Variants in UMODL1 observed in about 807,000 individuals in gnomAD.
UMODL1 encodes the protein uromodulin-like 1.
UMODL1 carries 128 observed loss-of-function variants against 136.3 expected under a neutral mutation model. The ratio of observed to expected loss-of-function variants is 0.94; its 90% CI spans 0.81 to 1.09. The LOEUF (loss-of-function observed/expected upper bound fraction) is 1.09, where lower values mean the gene tolerates loss of function less well. UMODL1 is among the 50% of genes least tolerant of loss of function. UMODL1 has a pLI of 0.00. For synonymous variants in UMODL1, 721 were observed against 720.0 expected (o/e 1.00, Z -0.02); for missense variants, 1,766 against 1,725.6 (o/e 1.02, Z -0.41).
intron 13 of UMODL1, 106 bp from the exon 14 acceptor site, chr21:42,115,767 G>GT: frequency 1.1e-6 from 1 of 886,240 alleles, no homozygotes. Context: ...GTTGGCTTTG[G>GT]TGTGATGCTC....
chr21:42,103,182 T>G (rs901049477), intron 8 of UMODL1: 4 of 189,688 alleles, frequency 2.1e-5, no homozygotes, highest in Admixed American at 1.6e-4. Flanking sequence ...TGGAAAGATA[T>G]TCTGGAACAA....
Position 42,095,101 on chromosome 21 carries a change from T to TTTTTTTTTTG in UMODL1, c.932-3816_932-3815insGTTTTTTTTT, listed in dbSNP as rs2066541171. On this transcript the variant is annotated intron_variant, in intron 6 of 22. Coordinates refer to ENST00000408910, the MANE Select transcript of UMODL1 (RefSeq NM_001004416.3). ...GTTTTCTTCTGCTGTTTTTTTTTTT[T>TTTTTTTTTTG]TTTTTTTTTTTGAGACAGGGTCTTG... Among the ~76,000 whole-genome samples the TTTTTTTTTTG allele has an allele frequency of 1.6e-5, 2 of 127,768 alleles. 1 individual carries two copies. The highest frequency in any genetic ancestry group is 3.4e-5 in the Non-Finnish European group (2 of 59,604). The allele number at this position is 127,768 out of a possible 152,430, so 83.8% of individuals were successfully genotyped here.
chr21:42,101,645 C>G, intron 7 of UMODL1: 2 of 443,536 alleles, frequency 4.5e-6, no homozygotes, highest in South Asian at 3.2e-5. Flanking sequence ...TCCATCTTTG[C>G]TTATGCCCCA....
intron 20 of UMODL1, chr21:42,128,178 A>G: frequency 2.7e-6 from 1 of 368,256 alleles, no homozygotes; most frequent in South Asian, 2.2e-5. Context: ...TTTTTTAAAT[A>G]TTATTTTTAA....
chr21:42,139,777 A>T (rs1400835667), intron 22 of UMODL1, among the ~76,000 whole-genome samples: 2 of 152,144 alleles, frequency 1.3e-5, no homozygotes, highest in Non-Finnish European at 2.9e-5. Context: ...TAGGGAGGTG[A>T]CTGGTCTCTA....
At chr21:42,089,119 C>T (rs2066461354) in intron 5 of UMODL1, among the ~76,000 whole-genome samples, 3 of 152,164 alleles carry the variant, frequency 2.0e-5, no homozygotes, top group Admixed American at 6.5e-5. Flanking sequence ...TCTGTCTCAA[C>T]GACTCAGCCC....
chr21:42,111,182 A>G lies in UMODL1; in HGVS notation c.1899+61A>G, dbSNP rs985850136. On this transcript the variant is annotated intron_variant, in intron 11 of 22. Coordinates refer to ENST00000408910, the MANE Select transcript of UMODL1 (RefSeq NM_001004416.3). ...GGGGAGCCCCAGCCAGGTGAACCCC[A>G]GCCAGGGGAGCCCCAGCCAGGGGAG... The G allele has an allele frequency of 1.5e-5, 23 of 1,561,914 alleles. No homozygotes were observed. The African/African-American group carries it at 2.6e-4, about 18-fold the overall frequency.
chr21:42,130,203 A>G (rs2067115276), intron 21 of UMODL1, among the ~76,000 whole-genome samples: 2 of 150,438 alleles, frequency 1.3e-5, no homozygotes, highest in African/African-American at 2.4e-5. Flanking sequence ...AACTCAAGCT[A>G]TAATCAGGCC....
Position 42,137,513 on chromosome 21 carries a change from G to A in UMODL1, c.3850G>A (p.Val1284Met), listed in dbSNP as rs1205155546. 6.2e-7 allele frequency: 1 copy of A among 1,614,238 alleles called. No homozygotes were observed. Among genetic ancestry groups the A allele is most frequent in the South Asian group, 1.1e-5 (1 of 91,092 alleles). Residue 1284 changes from valine (V) to methionine (M), a missense_variant, in exon 22 of 23, where the codon GTG becomes ATG. By Grantham distance (21) the Val-to-Met change is conservative. Coordinates refer to ENST00000408910, the MANE Select transcript of UMODL1 (RefSeq NM_001004416.3). Reference protein sequence around the residue: ...VLIVVAIFVLVAGTATLLIVR... With the variant: ...VLIVVAIFVLMAGTATLLIVR... Reference sequence around the variant, plus strand: ...TATTGTGGTGGCCATCTTCGTGCTGGTGGCGGGAACAGCCACCCTTCTGAT... The same window carrying A: ...TATTGTGGTGGCCATCTTCGTGCTGATGGCGGGAACAGCCACCCTTCTGAT...
intron 21 of UMODL1, among the ~76,000 whole-genome samples, chr21:42,134,798 T>TA (rs2067182792): frequency 1.3e-5 from 2 of 151,116 alleles, no homozygotes; most frequent in Admixed American, 6.6e-5. Flanking sequence ...TTTTTTTATA[T>TA]TTTTTTAGTA....
rs1251299481 is a variant in UMODL1, at chr21:42,111,762, T to G, written c.2104+52T>G. On this transcript the variant is annotated intron_variant, in intron 12 of 22. Transcript: ENST00000408910. ...ACTAGGACTAATAGGACCCATAGCC[T>G]GTGTGAGCCTCTGGGGCAAAGCTCC... is the stretch of plus-strand genomic sequence containing the variant. 4.0e-6 allele frequency: 6 copies of G among 1,498,722 alleles called. No individual in the cohort carries two copies. The Admixed American group carries it at 1.2e-4, about 30-fold the overall frequency. 92.8% of individuals were successfully genotyped at this position (1,498,722 alleles called of 1,614,324 possible).
chr21:42,139,305 G>T (rs2067248254), intron 22 of UMODL1, among the ~76,000 whole-genome samples: 1 of 152,200 alleles, frequency 6.6e-6, no homozygotes, highest in Non-Finnish European at 1.5e-5. Context: ...CATGGCAGAA[G>T]ACCAAGGGGA....
intron 2 of UMODL1, among the ~76,000 whole-genome samples, chr21:42,077,762 G>A (rs1050316238): frequency 2.6e-5 from 4 of 152,202 alleles, no homozygotes; most frequent in African/African-American, 9.7e-5. Flanking sequence ...CTAAGGGAGA[G>A]TCCATTCAGG....
At position 42,135,576 on chromosome 21, in the gene UMODL1, C is replaced by G. The variant is rs1017958875; in HGVS notation, c.3776-1863C>G. Among the ~76,000 whole-genome samples the G allele has an allele frequency of 3.3e-4, 50 of 152,236 alleles. 1 individual carries two copies. The highest frequency in any genetic ancestry group is 1.5e-5 in the Non-Finnish European group (1 of 68,040). On this transcript the variant is annotated intron_variant, in intron 21 of 22. Coordinates refer to ENST00000408910, the MANE Select transcript of UMODL1 (RefSeq NM_001004416.3). ...CTGCATCCTCAGGGCGGCACCCCCC[C>G]TTGTGCTGGCAAGGTGGCCCGTCAC... is the stretch of plus-strand genomic sequence containing the variant.
At chr21:42,115,752 C>A in intron 13 of UMODL1, 121 bp from the exon 14 acceptor site, 1 of 721,120 alleles carries the variant, frequency 1.4e-6, no homozygotes, top group Non-Finnish European at 2.3e-6. Context: ...CTTTCTAGAA[C>A]ACGGGTTGGC....
At chr21:42,100,727 G>A (rs1427038330) in intron 7 of UMODL1, among the ~76,000 whole-genome samples, 10 of 46,446 alleles carry the variant, frequency 2.2e-4, no homozygotes, top group African/African-American at 6.1e-4. Context: ...CAGCAACCCC[G>A]TGCCCTCCTC....
Position 42,111,077 on chromosome 21 carries a change from G to A in UMODL1, c.1855G>A (p.Val619Ile). ...ACCCAGAAGAGGGGGCAGCAATGTGGTCGGGTATGACAGGAACAACACAGG... is the reference window on the plus strand; with the variant it reads ...ACCCAGAAGAGGGGGCAGCAATGTGATCGGGTATGACAGGAACAACACAGG... ...PSPRRGGSNVVGYDRNNTGKG... is the reference protein window; with the variant it reads ...PSPRRGGSNVIGYDRNNTGKG... The change falls in exon 11 of 23, where the codon GTC becomes ATC. Residue 619 changes from valine to isoleucine, a missense_variant. Val to Ile is a conservative substitution (Grantham distance 29). Coordinates refer to ENST00000408910, the MANE Select transcript of UMODL1 (RefSeq NM_001004416.3). 1.2e-6 allele frequency: 2 copies of A among 1,613,284 alleles called. No individual in the cohort carries two copies. Among genetic ancestry groups the A allele is most frequent in the Non-Finnish European group, 1.7e-6 (2 of 1,179,804 alleles).
chr21:42,136,202 AAATT>A (rs1413340637), intron 21 of UMODL1, among the ~76,000 whole-genome samples: 1 of 152,210 alleles, frequency 6.6e-6, no homozygotes, highest in African/African-American at 2.4e-5. Context: ...AGTTTTTAAA[AAATT>A]AAACTGAGAT....
intron 16 of UMODL1, 45 bp downstream of exon 16, chr21:42,121,269 C>A (rs373156473): frequency 1.9e-6 from 3 of 1,569,752 alleles, no homozygotes; most frequent in South Asian, 1.2e-5. Context: ...GTATCATAAT[C>A]GGTTTTTTTT....
Sources: allele counts gnomAD v4.1 joint callset (sites outside exome capture counted in the v4.1 genomes callset), GRCh38; gene constraint gnomAD v4.1.1; transcripts MANE v1.5; gene names NCBI Gene and HGNC (gene_info 2026-07-23, HGNC 2026-07-21).